Variants in KCNK1 observed in about 807,000 individuals in gnomAD.
The protein encoded by KCNK1 is potassium channel subfamily K member 1.
Under a neutral mutation model 22.2 loss-of-function variants are expected in KCNK1, and 10 were observed. The observed-to-expected ratio is 0.45, with a 90% CI of 0.28 to 0.76. KCNK1 has a LOEUF of 0.76. Ranked by LOEUF, KCNK1 falls within the 30% of genes least tolerant of loss-of-function variation. The pLI, the probability that KCNK1 is intolerant of heterozygous loss-of-function variation, is 0.14. For missense variants in KCNK1, 378 were observed against 421.0 expected (o/e 0.90, Z 0.89); for synonymous variants, 200 against 186.4 (o/e 1.07, Z -0.60).
intron 1 of KCNK1, among the ~76,000 whole-genome samples, chr1:233,656,509 G>A (rs999734434): frequency 3.3e-5 from 5 of 152,224 alleles, no homozygotes; most frequent in Non-Finnish European, 7.3e-5. Context: ...CACCCTGAGT[G>A]CTTTTTCCCC....
At chr1:233,625,244 C>G (rs148960823) in intron 1 of KCNK1, among the ~76,000 whole-genome samples, 1 of 152,342 alleles carries the variant, frequency 6.6e-6, no homozygotes, top group African/African-American at 2.4e-5. Context: ...TGTCTGGAAT[C>G]TTCTCGGCCT....
intron 1 of KCNK1, among the ~76,000 whole-genome samples, chr1:233,622,795 C>G (rs1021412860): frequency 3.3e-5 from 5 of 152,140 alleles, no homozygotes; most frequent in Non-Finnish European, 7.3e-5. Context: ...TGGAAAACAG[C>G]TGATTGTTAT....
At chr1:233,626,202 A>G (rs1246633811) in intron 1 of KCNK1, among the ~76,000 whole-genome samples, 4 of 152,084 alleles carry the variant, frequency 2.6e-5, no homozygotes, top group Non-Finnish European at 5.9e-5. Flanking sequence ...TGGCCAAACC[A>G]TCTGGCTTTG....
intron 1 of KCNK1, chr1:233,650,086 C>T (rs761484850): frequency 1.9e-6 from 1 of 530,592 alleles, no homozygotes; most frequent in Non-Finnish European, 3.9e-6. Context: ...AATATGCCAC[C>T]TAGAAGAGAA....
chr1:233,666,952 A>G lies in KCNK1; in HGVS notation c.713A>G (p.Asn238Ser), dbSNP rs746786615. The G allele has an allele frequency of 9.3e-6, 15 of 1,613,264 alleles. No individual in the cohort carries two copies. Among genetic ancestry groups the G allele is most frequent in the African/African-American group, 1.3e-5 (1 of 74,802 alleles). ...LGDYVPGEGY[N>S]QKFRELYKIG... ...GATTATGTGCCTGGGGAAGGCTACA[A>G]TCAAAAATTCAGAGAGCTCTATAAG... The change falls in exon 2 of 3, where the codon AAT becomes AGT. Residue 238 changes from asparagine to serine, a missense_variant. Asn to Ser is a conservative substitution (Grantham distance 46). Coordinates refer to ENST00000366621, the MANE Select transcript of KCNK1 (RefSeq NM_002245.4).
intron 2 of KCNK1, among the ~76,000 whole-genome samples, chr1:233,667,774 G>C (rs890596317): frequency 1.4e-5 from 2 of 143,700 alleles, no homozygotes; most frequent in African/African-American, 5.1e-5. Context: ...GAATGTACTT[G>C]ATAACCAACT....
At chr1:233,630,588 A>C (rs1277511337) in intron 1 of KCNK1, 1 of 152,196 alleles carries the variant, frequency 6.6e-6, no homozygotes. Flanking sequence ...AAATGCTCAG[A>C]AGTGCAGACC....
Position 233,671,642 on chromosome 1 carries a change from A to C in KCNK1, c.*112A>C. Reference sequence around the variant, plus strand: ...AAGCGAAAATTATGTCACTTTAAGAAATAGCTACTGTTTGCAATGTCTTAT... The same window carrying C: ...AAGCGAAAATTATGTCACTTTAAGACATAGCTACTGTTTGCAATGTCTTAT... On this transcript the variant is annotated 3_prime_UTR_variant, in exon 3 of 3. Transcript: ENST00000366621. 8.1e-7 allele frequency: 1 copy of C among 1,236,824 alleles called. No homozygotes were observed. Among genetic ancestry groups the C allele is most frequent in the East Asian group, 2.3e-5 (1 of 42,634 alleles). 76.6% of individuals were successfully genotyped at this position (1,236,824 alleles called of 1,614,324 possible).
Position 233,666,713 on chromosome 1 carries a change from G to T in KCNK1, c.474G>T (p.Val158=), listed in dbSNP as rs1658495608. The change falls in exon 2 of 3, where the codon GTG becomes GTT. Residue 158 remains valine, a synonymous_variant. Coordinates refer to ENST00000366621, the MANE Select transcript of KCNK1 (RefSeq NM_002245.4). ...FLTAVVQRIT[V]HVTRRPVLYF... ...CGGCTGTGGTCCAGCGCATCACCGT[G>T]CACGTCACCCGCAGGCCGGTCCTCT... The T allele has an allele frequency of 6.2e-7, 1 of 1,613,992 alleles. No individual in the cohort carries two copies. Among genetic ancestry groups the T allele is most frequent in the Non-Finnish European group, 8.5e-7 (1 of 1,180,040 alleles).
At chr1:233,629,781 G>A (rs17227790) in intron 1 of KCNK1, 4,756 of 152,324 alleles carry the variant, frequency 0.031, 99 homozygotes, top group South Asian at 0.054. Flanking sequence ...AACCATGGGC[G>A]GAGCTTGTCA....
At chr1:233,646,370 G>T (rs186893956) in intron 1 of KCNK1, among the ~76,000 whole-genome samples, 1 of 152,220 alleles carries the variant, frequency 6.6e-6, no homozygotes, top group East Asian at 1.9e-4. Flanking sequence ...GGCAGCCAGG[G>T]TGGAAAAACC....
intron 2 of KCNK1, among the ~76,000 whole-genome samples, chr1:233,667,694 C>T (rs1204515918): frequency 2.0e-4 from 27 of 133,320 alleles, no homozygotes; most frequent in African/African-American, 3.5e-4. Flanking sequence ...CGCGCCACTG[C>T]ACTCCAGCCT....
chr1:233,618,339 G>T (rs2102880079), intron 1 of KCNK1, among the ~76,000 whole-genome samples: 1 of 151,618 alleles, frequency 6.6e-6, no homozygotes, highest in East Asian at 1.9e-4. Context: ...AAAAAAAAAG[G>T]AGGTATTATA....
At chr1:233,631,412 G>T (rs148519906) in intron 1 of KCNK1, 9 of 428,378 alleles carry the variant, frequency 2.1e-5, no homozygotes, top group Non-Finnish European at 4.4e-5. Flanking sequence ...AGGATTTTAA[G>T]CTCAACGGTT....
At chr1:233,627,336 T>G (rs1657706146) in intron 1 of KCNK1, among the ~76,000 whole-genome samples, 1 of 152,200 alleles carries the variant, frequency 6.6e-6, no homozygotes, top group Non-Finnish European at 1.5e-5. Context: ...GGTTAAAATA[T>G]GGTTGTAACT....
At position 233,635,101 on chromosome 1, in the gene KCNK1, A is replaced by C. The variant is rs58754287; in HGVS notation, c.355+20575A>C. Among the ~76,000 whole-genome samples the C allele has an allele frequency of 0.012, 1,885 of 152,142 alleles. 76 individuals are homozygous for C. In the East Asian group the frequency reaches 0.17, roughly 13 times the overall value. Reference sequence around the variant, plus strand: ...TTCTCCTAATAGCCAAAACAGGTAAATATCCAAGTGTTTTTTTTCTTTTAG... The same window carrying C: ...TTCTCCTAATAGCCAAAACAGGTAACTATCCAAGTGTTTTTTTTCTTTTAG... On this transcript the variant is annotated intron_variant, in intron 1 of 2. Transcript: ENST00000366621.
chr1:233,667,036 T>TATTC, intron 2 of KCNK1, 46 bp downstream of exon 2: 1 of 1,122,528 alleles, frequency 8.9e-7, no homozygotes, highest in Non-Finnish European at 1.2e-6. Context: ...TCCTTTATTT[T>TATTC]ATTTATTTAT....
At chr1:233,633,222 G>T (rs1657836563) in intron 1 of KCNK1, among the ~76,000 whole-genome samples, 1 of 150,264 alleles carries the variant, frequency 6.7e-6, no homozygotes, top group Non-Finnish European at 1.5e-5. Context: ...AGATGGATTT[G>T]CCATTTGCCT....
At chr1:233,622,493 G>A (rs1225924992) in intron 1 of KCNK1, among the ~76,000 whole-genome samples, 1 of 152,188 alleles carries the variant, frequency 6.6e-6, no homozygotes, top group Non-Finnish European at 1.5e-5. Flanking sequence ...TGACTCCTGT[G>A]ATACTTCTAT....
Sources: gnomAD v4.1 joint callset for allele counts (sites outside exome capture counted in the v4.1 genomes callset) on GRCh38, gnomAD v4.1.1 for gene constraint, MANE v1.5 for transcripts, NCBI Gene and HGNC (gene_info 2026-07-23, HGNC 2026-07-21) for gene names.